Variants in SCHIP1 observed in about 807,000 individuals in gnomAD.
The protein encoded by SCHIP1 is schwannomin interacting protein 1, also known as schwannomin-interacting protein 1.
SCHIP1 carries 8 observed loss-of-function variants against 29.7 expected under a neutral mutation model. The ratio of observed to expected loss-of-function variants is 0.27; its 90% CI spans 0.16 to 0.49. SCHIP1 has a LOEUF of 0.49. SCHIP1 is among the 20% of genes least tolerant of loss of function. The probability of loss-of-function intolerance (pLI) is 0.99; values close to 1 mark genes in which losing one functional copy is unlikely to be tolerated. For missense variants in SCHIP1, 193 were observed against 294.6 expected, an observed-to-expected ratio of 0.66 and a Z score of 2.52; for synonymous variants, 76 against 94.9, an observed-to-expected ratio of 0.80 and a Z score of 1.16.
the SCHIP1 span, among the ~76,000 whole-genome samples, chr3:159,432,246 G>A: frequency 6.6e-6 from 1 of 151,426 alleles, no homozygotes; most frequent in South Asian, 2.1e-4. Flanking sequence ...CTGCTTGAGA[G>A]CCCTCACAAC....
At chr3:159,846,006 T>G (rs1161199668) in intron 1 of SCHIP1, 1 of 152,206 alleles carries the variant, frequency 6.6e-6, no homozygotes, top group Non-Finnish European at 1.5e-5. Flanking sequence ...AATGAATGAC[T>G]GGGATGCACA....
At chr3:159,436,585 C>T in the SCHIP1 span, among the ~76,000 whole-genome samples, 4 of 152,046 alleles carry the variant, frequency 2.6e-5, no homozygotes, top group Non-Finnish European at 5.9e-5. Context: ...TTTGGCAAAC[C>T]TAATGAATGC....
chr3:159,649,968 A>G, the SCHIP1 span, among the ~76,000 whole-genome samples: 2 of 152,204 alleles, frequency 1.3e-5, no homozygotes, highest in Non-Finnish European at 2.9e-5. Context: ...ACATAGGTAT[A>G]TTCTATTTGT....
the SCHIP1 span, among the ~76,000 whole-genome samples, chr3:159,680,520 T>A: frequency 4.4e-4 from 53 of 119,874 alleles, 1 homozygote; most frequent in South Asian, 8.5e-3. Flanking sequence ...AAAAAAAATA[T>A]ATATATATGT....
At chr3:159,519,305 C>T in the SCHIP1 span, among the ~76,000 whole-genome samples, 2 of 152,186 alleles carry the variant, frequency 1.3e-5, no homozygotes, top group Non-Finnish European at 2.9e-5. Context: ...AATCCAACTA[C>T]AGGCTTGATT....
chr3:159,798,800 C>A, the SCHIP1 span, among the ~76,000 whole-genome samples: 1 of 152,202 alleles, frequency 6.6e-6, no homozygotes, highest in South Asian at 2.1e-4. Context: ...CCAAAAAAAA[C>A]AGCCAAACAA....
the SCHIP1 span, among the ~76,000 whole-genome samples, chr3:159,377,747 T>G: frequency 6.6e-6 from 1 of 152,262 alleles, no homozygotes; most frequent in African/African-American, 2.4e-5. Flanking sequence ...TTAAACACTT[T>G]TTTAAAAGTG....
the SCHIP1 span, among the ~76,000 whole-genome samples, chr3:159,317,511 C>G: frequency 6.6e-6 from 1 of 152,296 alleles, no homozygotes; most frequent in Admixed American, 6.5e-5. Flanking sequence ...ATGGGAGAAA[C>G]AGTACCATAT....
intron 5 of SCHIP1, among the ~76,000 whole-genome samples, chr3:159,889,559 A>G (rs1226268693): frequency 6.6e-6 from 1 of 152,242 alleles, no homozygotes; most frequent in African/African-American, 2.4e-5. Flanking sequence ...TCACTTAGGC[A>G]GTGTGGTTAA....
At chr3:159,807,902 G>T in the SCHIP1 span, among the ~76,000 whole-genome samples, 1 of 152,186 alleles carries the variant, frequency 6.6e-6, no homozygotes, top group Non-Finnish European at 1.5e-5. Context: ...GGAAATTGAG[G>T]CCTAGCTAAG....
At chr3:159,893,805 C>T (rs528224238) in intron 6 of SCHIP1, 2 of 151,960 alleles carry the variant, frequency 1.3e-5, no homozygotes, top group South Asian at 4.2e-4. Flanking sequence ...TACCATGGGC[C>T]CCAGGGGCAT....
chr3:159,808,832 C>T, the SCHIP1 span, among the ~76,000 whole-genome samples: 12 of 152,150 alleles, frequency 7.9e-5, no homozygotes, highest in Non-Finnish European at 1.2e-4. Flanking sequence ...TGGCACATGC[C>T]TGTAATTCCA....
At chr3:159,321,545 ATATT>A in the SCHIP1 span, among the ~76,000 whole-genome samples, 1 of 152,068 alleles carries the variant, frequency 6.6e-6, no homozygotes, top group Non-Finnish European at 1.5e-5. Context: ...AAAGCAGTGG[ATATT>A]TATTTTTTAT....
chr3:159,530,343 C>T, the SCHIP1 span, among the ~76,000 whole-genome samples: 2 of 152,138 alleles, frequency 1.3e-5, no homozygotes, highest in Non-Finnish European at 2.9e-5. Context: ...GGACCAATAT[C>T]CTCAAGTTCA....
chr3:159,415,773 T>C, the SCHIP1 span, among the ~76,000 whole-genome samples: 1 of 152,178 alleles, frequency 6.6e-6, no homozygotes, highest in Non-Finnish European at 1.5e-5. Flanking sequence ...AATAAAAATA[T>C]ACAAATTAAA....
the SCHIP1 span, among the ~76,000 whole-genome samples, chr3:159,572,746 T>G: frequency 6.6e-6 from 1 of 152,130 alleles, no homozygotes; most frequent in African/African-American, 2.4e-5. Flanking sequence ...TGTGTGGGAG[T>G]CTTAGCCTCT....
At chr3:159,764,889 C>T in the SCHIP1 span, 2 of 1,573,160 alleles carry the variant, frequency 1.3e-6, no homozygotes, top group South Asian at 1.2e-5. The surrounding 1 kb of genome is among the most constrained non-coding windows in gnomAD (Gnocchi z 6.1). Context: ...TGGTGGCTGG[C>T]CGGCCGAGCT....
At chr3:159,457,701 T>A in the SCHIP1 span, among the ~76,000 whole-genome samples, 1 of 152,262 alleles carries the variant, frequency 6.6e-6, no homozygotes, top group Non-Finnish European at 1.5e-5. Flanking sequence ...AGACCCCCAG[T>A]GGCTGACTGA....
the SCHIP1 span, among the ~76,000 whole-genome samples, chr3:159,515,762 T>C: frequency 6.6e-6 from 1 of 152,302 alleles, no homozygotes; most frequent in East Asian, 1.9e-4. Context: ...ACTTTGTTAG[T>C]TCACTGATTT....
Sources: allele counts gnomAD v4.1 joint callset (sites outside exome capture counted in the v4.1 genomes callset), GRCh38; gene constraint gnomAD v4.1.1; non-coding constraint Gnocchi (gnomAD v3.1); transcripts MANE v1.5; gene names NCBI Gene and HGNC (gene_info 2026-07-23, HGNC 2026-07-21).